Variants in TBL1X observed in about 807,000 individuals in gnomAD.
The protein encoded by TBL1X is F-box-like/WD repeat-containing protein TBL1X.
TBL1X carries 10 observed loss-of-function variants against 50.7 expected under a neutral mutation model. That is an observed-to-expected ratio of 0.20 (90% confidence interval 0.12 to 0.33). The LOEUF is 0.33. Among genes scored for constraint, TBL1X ranks in the 10% least tolerant of loss-of-function variants. The pLI is 1.00. For missense variants in TBL1X, 340 were observed against 504.4 expected (o/e 0.67, Z 3.12); for synonymous variants, 190 against 214.7 (o/e 0.88, Z 1.01).
intron 2 of TBL1X, among the ~76,000 whole-genome samples, chrX:9,620,630 A>G (rs1361658108): frequency 8.9e-6 from 1 of 111,964 alleles, no homozygotes; most frequent in Non-Finnish European, 1.9e-5. Context: ...TCAGGTGGAG[A>G]GGCCAGCACA....
At chrX:9,543,093 A>G (rs1893518797) in intron 2 of TBL1X, among the ~76,000 whole-genome samples, 2 of 112,623 alleles carry the variant, frequency 1.8e-5, no homozygotes, top group Admixed American at 1.9e-4. Flanking sequence ...CAAGGACAGA[A>G]CAGCTTGAGA....
intron 13 of TBL1X, among the ~76,000 whole-genome samples, chrX:9,706,690 C>G (rs1056358846): frequency 9.0e-6 from 1 of 111,695 alleles, no homozygotes; most frequent in Admixed American, 9.5e-5. Context: ...TAGCCAATTT[C>G]TATGGTCTCT....
intron 2 of TBL1X, among the ~76,000 whole-genome samples, chrX:9,546,865 C>T (rs1472365587): frequency 2.5e-5 from 2 of 79,624 alleles, no homozygotes; most frequent in Non-Finnish European, 4.5e-5. Context: ...GTCGCCCAGG[C>T]TGGAGTGCAG....
At chrX:9,699,003 CAG>C (rs1454239330) in intron 12 of TBL1X, among the ~76,000 whole-genome samples, 1 of 111,303 alleles carries the variant, frequency 9.0e-6, no homozygotes, top group African/African-American at 3.3e-5. Context: ...TGTTTGGAGA[CAG>C]AGTTTTACTC....
intron 5 of TBL1X, among the ~76,000 whole-genome samples, 160 bp downstream of exon 5, chrX:9,654,482 C>T (rs749999807): frequency 8.9e-6 from 1 of 111,947 alleles, no homozygotes; most frequent in South Asian, 3.7e-4. Context: ...GGAGCTGTGC[C>T]ATCCCCGGGT....
chrX:9,635,955 G>A (rs751731442), intron 2 of TBL1X, among the ~76,000 whole-genome samples: 1 of 112,580 alleles, frequency 8.9e-6, no homozygotes, highest in Admixed American at 9.4e-5. Context: ...GTTCAGCCAC[G>A]CAGTAGCATA....
intron 13 of TBL1X, among the ~76,000 whole-genome samples, chrX:9,708,127 G>T (rs2083220990): frequency 1.8e-5 from 2 of 112,057 alleles, no homozygotes; most frequent in Admixed American, 1.9e-4. Context: ...GGTACGCCAT[G>T]TCCCCTCATT....
In TBL1X at chrX:9,511,248, A is replaced by G. The variant is rs2238848; in HGVS notation, c.-131+9399A>G. 8.0e-5 allele frequency among the ~76,000 whole-genome samples: 9 copies of G among 112,286 alleles called. No homozygotes were observed. In the East Asian group the frequency reaches 2.5e-3, roughly 31 times the overall value. On this transcript the variant is annotated intron_variant, in intron 2 of 17. Transcript: ENST00000645353. ...AAGAGGGCTCAGGATGGTGATAATCACGGTCTTTCATTCTTTTCTCCTGTG... is the reference window on the plus strand; with the variant it reads ...AAGAGGGCTCAGGATGGTGATAATCGCGGTCTTTCATTCTTTTCTCCTGTG...
At chrX:9,496,124 A>C (rs757371562) in intron 1 of TBL1X, among the ~76,000 whole-genome samples, 2 of 112,464 alleles carry the variant, frequency 1.8e-5, no homozygotes, top group Non-Finnish European at 3.8e-5. Flanking sequence ...GTCACCATGA[A>C]AGCCAGTGTG....
rs372627949 is a variant in TBL1X at position 9,617,040 on chromosome X, C to A, written c.-130-23233C>A. Among the ~76,000 whole-genome samples the A allele has an allele frequency of 4.5e-5, 5 of 111,800 alleles. No individual in the cohort carries two copies. The East Asian group carries it at 1.4e-3, about 31-fold the overall frequency. ...CATGTGGACTACATCCATATGACAC[C>A]ATGTTCACTAGTTGGAGCCTTGGAA... On this transcript the variant is annotated intron_variant, in intron 2 of 17. Transcript: ENST00000645353.
chrX:9,471,803 G>A (rs866454370), intron 1 of TBL1X, among the ~76,000 whole-genome samples: 1 of 111,275 alleles, frequency 9.0e-6, no homozygotes, highest in African/African-American at 3.3e-5. Flanking sequence ...TTTTCCTATC[G>A]TGGTGGATGT....
chrX:9,466,837 A>G (rs766964991), intron 1 of TBL1X, among the ~76,000 whole-genome samples: 14 of 112,509 alleles, frequency 1.2e-4, no homozygotes, highest in Admixed American at 2.8e-4. Flanking sequence ...TGTGCTGCAC[A>G]TTTTTGTGGA....
At chrX:9,500,961 C>A (rs1176000376) in intron 1 of TBL1X, among the ~76,000 whole-genome samples, 1 of 111,886 alleles carries the variant, frequency 8.9e-6, no homozygotes, top group Non-Finnish European at 1.9e-5. Context: ...CCACAGTGCA[C>A]AGGGCGGCCT....
At chrX:9,558,517 CA>C (rs1245284004) in intron 2 of TBL1X, among the ~76,000 whole-genome samples, 16 of 93,750 alleles carry the variant, frequency 1.7e-4, no homozygotes, top group Admixed American at 2.3e-4. Flanking sequence ...AACTCCATCT[CA>C]AAAAAAAAAG....
intron 17 of TBL1X, among the ~76,000 whole-genome samples, chrX:9,715,237 A>G (rs2083271325): frequency 8.9e-6 from 1 of 112,235 alleles, no homozygotes; most frequent in African/African-American, 3.2e-5. Flanking sequence ...GTGGTTCTCA[A>G]CCAGGGTGAT....
At chrX:9,533,280 T>C (rs189822930) in intron 2 of TBL1X, among the ~76,000 whole-genome samples, 32 of 111,724 alleles carry the variant, frequency 2.9e-4, no homozygotes, top group Non-Finnish European at 4.1e-4. Context: ...GTTGAAGATG[T>C]GCGTGAATGC....
chrX:9,630,167 C>G (rs910122421), intron 2 of TBL1X, among the ~76,000 whole-genome samples: 1 of 112,045 alleles, frequency 8.9e-6, no homozygotes, highest in Non-Finnish European at 1.9e-5. Context: ...CTCCTTCTAA[C>G]AGACCGGCAT....
chrX:9,531,688 T>G (rs2082162665), intron 2 of TBL1X, among the ~76,000 whole-genome samples: 1 of 109,737 alleles, frequency 9.1e-6, no homozygotes, highest in African/African-American at 3.3e-5. Flanking sequence ...GAGGATCCCT[T>G]GAGTCCAGGA....
chrX:9,492,883 GTGTGTGTGTGTGTGTA>G (rs2081953322), intron 1 of TBL1X, among the ~76,000 whole-genome samples: 3 of 44,248 alleles, frequency 6.8e-5, no homozygotes, highest in African/African-American at 2.5e-4. Context: ...GTGTGTGTGT[GTGTGTGTGTGTGTGTA>G]GGGGAGGAAG....
Sources: gnomAD v4.1 joint callset for allele counts (sites outside exome capture counted in the v4.1 genomes callset) on GRCh38, gnomAD v4.1.1 for gene constraint, MANE v1.5 for transcripts, NCBI Gene and HGNC (gene_info 2026-07-23, HGNC 2026-07-21) for gene names.